JAM2: variants seen among roughly 807,000 people sequenced by gnomAD.
JAM2 encodes junctional adhesion molecule B.
In JAM2, 17 loss-of-function variants were observed where a neutral mutation model predicts 42.0. That is an observed-to-expected ratio of 0.40 (90% CI 0.28 to 0.61). The LOEUF is 0.61. Among genes scored for constraint, JAM2 ranks in the 20% least tolerant of loss-of-function variants. The pLI is 0.37. For synonymous variants in JAM2, 118 were observed against 128.6 expected, an observed-to-expected ratio of 0.92 and a Z score of 0.56; for missense variants, 319 against 358.3, an observed-to-expected ratio of 0.89 and a Z score of 0.89.
At chr21:25,701,637 T>C (rs1457684880) in intron 5 of JAM2, among the ~76,000 whole-genome samples, 1 of 152,220 alleles carries the variant, frequency 6.6e-6, no homozygotes, top group African/African-American at 2.4e-5. Context: ...ATTCTAGAGT[T>C]GATAGAATCG....
At chr21:25,646,833 C>CTT (rs2032628652) in intron 1 of JAM2, among the ~76,000 whole-genome samples, 1 of 152,188 alleles carries the variant, frequency 6.6e-6, no homozygotes, top group East Asian at 1.9e-4. Context: ...TCCTTGTAAA[C>CTT]TTAACAGACA....
intron 1 of JAM2, among the ~76,000 whole-genome samples, chr21:25,660,782 ATTTTTTTT>A (rs869192568): frequency 2.8e-3 from 114 of 41,236 alleles, no homozygotes; most frequent in Non-Finnish European, 3.8e-3. Context: ...ATATATATAT[ATTTTTTTT>A]TTTTTTTTTT....
Position 25,715,609 on chromosome 21 carries a change from T to G in JAM2, c.*937T>G, listed in dbSNP as rs1383005430. 1 of 152,148 alleles carries G rather than the reference T, an allele frequency of 6.6e-6. No individual in the cohort carries two copies. The highest frequency in any genetic ancestry group is 1.9e-4 in the East Asian group (1 of 5,200). The allele number at this position is 152,148 out of a possible 1,614,324, so 9.4% of individuals were successfully genotyped here. A position where few individuals can be genotyped will look rare whatever the true frequency, so the allele number is the denominator to read the frequency against. ...TTCTGCTTTTGGACAAGGAGGGATG[T>G]GGAGGGAAGAAGTAATAGTCTACCA... On this transcript the variant is annotated 3_prime_UTR_variant, in exon 10 of 10. Transcript: ENST00000480456.
intron 2 of JAM2, among the ~76,000 whole-genome samples, chr21:25,688,942 T>G (rs1346318292): frequency 6.6e-6 from 1 of 151,988 alleles, no homozygotes; most frequent in Non-Finnish European, 1.5e-5. Flanking sequence ...GTTAAAAAAA[T>G]ACTTTTAAAA....
At chr21:25,670,011 C>G (rs780077811) in intron 1 of JAM2, among the ~76,000 whole-genome samples, 2 of 152,196 alleles carry the variant, frequency 1.3e-5, no homozygotes, top group African/African-American at 4.8e-5. Context: ...AAGGCTGACT[C>G]TAAATAATTT....
chr21:25,642,365 T>C (rs9305260), intron 1 of JAM2, among the ~76,000 whole-genome samples: 96,241 of 151,938 alleles, frequency 0.63, 31,751 homozygotes, highest in Non-Finnish European at 0.74. Context: ...TAAATATTTG[T>C]TTTATACTTT....
At chr21:25,708,971 G>A (rs1372348280) in intron 7 of JAM2, among the ~76,000 whole-genome samples, 2 of 151,934 alleles carry the variant, frequency 1.3e-5, no homozygotes, top group South Asian at 2.1e-4. Flanking sequence ...TGCCCTCCCC[G>A]CCTATTTTTC....
intron 1 of JAM2, among the ~76,000 whole-genome samples, chr21:25,683,338 G>GA (rs909433655): frequency 6.6e-6 from 1 of 151,780 alleles, no homozygotes; most frequent in Admixed American, 6.6e-5. Flanking sequence ...ATGTTTTGGG[G>GA]AAAAAAATAA....
intron 8 of JAM2, among the ~76,000 whole-genome samples, chr21:25,710,653 G>A (rs776815545): frequency 8.5e-5 from 13 of 152,126 alleles, no homozygotes; most frequent in South Asian, 2.1e-4. Flanking sequence ...GGATGTCAGC[G>A]GGACCAGGGT....
rs147248766 is a variant in JAM2 at position 25,640,815 on chromosome 21, T to TTC, written c.67+937_67+938dup. Among the ~76,000 whole-genome samples the TTC allele has an allele frequency of 3.4e-3, 510 of 151,532 alleles. 4 individuals carry two copies. Among genetic ancestry groups the TTC allele is most frequent in the African/African-American group, 0.012 (488 of 41,140 alleles). On this transcript the variant is annotated intron_variant, in intron 1 of 9. Transcript: ENST00000480456. ...CCCTTCCTTTCTCTTTCTTCTTTCTTTCTCTCTCTCTTTCTTTCTGTCTCT... is the reference window on the plus strand; with the variant it reads ...CCCTTCCTTTCTCTTTCTTCTTTCTTTCTCTCTCTCTCTTTCTTTCTGTCTCT...
chr21:25,705,885 CA>C (rs2034260024), intron 6 of JAM2, 93 bp from the exon 7 acceptor site: 14 of 836,032 alleles, frequency 1.7e-5, no homozygotes, highest in Non-Finnish European at 2.9e-5. Flanking sequence ...GATATAGCTG[CA>C]AAGGGGATCT....
chr21:25,649,639 T>C (rs953849013), intron 1 of JAM2, among the ~76,000 whole-genome samples: 1 of 152,184 alleles, frequency 6.6e-6, no homozygotes, highest in African/African-American at 2.4e-5. Context: ...ATCTCCAGAC[T>C]TTCCCCTCAT....
intron 1 of JAM2, among the ~76,000 whole-genome samples, chr21:25,655,795 C>A: frequency 6.6e-6 from 1 of 151,346 alleles, no homozygotes; most frequent in Non-Finnish European, 1.5e-5. Flanking sequence ...CGTGCCCAGT[C>A]GAAACACCAG....
intron 3 of JAM2, among the ~76,000 whole-genome samples, chr21:25,691,915 G>T (rs1457161521): frequency 6.6e-6 from 1 of 151,808 alleles, no homozygotes; most frequent in East Asian, 1.9e-4. Context: ...TGTAATCCCA[G>T]ATGCTTGGGA....
chr21:25,676,391 A>C (rs1012959594), intron 1 of JAM2, among the ~76,000 whole-genome samples: 1 of 152,082 alleles, frequency 6.6e-6, no homozygotes, highest in South Asian at 2.1e-4. Context: ...TTTAAATAAC[A>C]CCTTTATAGT....
At chr21:25,644,676 T>C (rs911908261) in intron 1 of JAM2, among the ~76,000 whole-genome samples, 2 of 152,218 alleles carry the variant, frequency 1.3e-5, no homozygotes, top group African/African-American at 4.8e-5. Flanking sequence ...TATTTATAGG[T>C]TCTGGGGAGT....
chr21:25,652,050 C>T (rs930333195), intron 1 of JAM2, among the ~76,000 whole-genome samples: 2 of 152,092 alleles, frequency 1.3e-5, no homozygotes, highest in African/African-American at 4.8e-5. Context: ...ATAAAATTCA[C>T]TAAAATAGCC....
chr21:25,693,914 G>A lies in JAM2; in HGVS notation c.394+6G>A. 6.2e-7 allele frequency: 1 copy of A among 1,613,500 alleles called. No individual in the cohort carries two copies. Among genetic ancestry groups the A allele is most frequent in the South Asian group, 1.1e-5 (1 of 90,902 alleles). The stretch of plus-strand genomic sequence containing the variant: ...AGTCACTCTGGAAGTATTAGGTGAT[G>A]TGCATGTATGTGTGTGACTACGTCT... On this transcript the variant is annotated splice_donor_region_variant and intron_variant, in intron 4 of 9. Coordinates refer to ENST00000480456, the MANE Select transcript of JAM2 (RefSeq NM_021219.4).
chr21:25,709,788 T>C (rs982134888), intron 8 of JAM2: 7 of 204,838 alleles, frequency 3.4e-5, no homozygotes, highest in African/African-American at 1.4e-4. Context: ...GCACGTCACA[T>C]GGCAAAAGCA....
Sources: gnomAD v4.1 joint callset for allele counts (sites outside exome capture counted in the v4.1 genomes callset) on GRCh38, gnomAD v4.1.1 for gene constraint, MANE v1.5 for transcripts, NCBI Gene and HGNC (gene_info 2026-07-23, HGNC 2026-07-21) for gene names.